GRXCR2: variants seen among roughly 807,000 people sequenced by gnomAD.
GRXCR2 encodes glutaredoxin and cysteine rich domain containing 2.
Under a neutral mutation model 24.8 loss-of-function variants are expected in GRXCR2, and 23 were observed. The observed-to-expected ratio is 0.93, with a 90% CI of 0.67 to 1.32. GRXCR2 has a LOEUF of 1.32. Among genes scored for constraint, GRXCR2 ranks in the 40% most tolerant of loss-of-function variants. The pLI is 0.00. For missense variants in GRXCR2, 315 were observed against 303.4 expected (o/e 1.04, Z -0.28); for synonymous variants, 130 against 116.1 (o/e 1.12, Z -0.77).
rs149708220 is a variant in GRXCR2 at position 145,865,600 on chromosome 5, G to A, written c.564+901C>T. ...CACTAGACAAGTGTGGTACCCAAGG[G>A]ACCCTGGAGTAAGAGTGATGTTCAA... On this transcript the variant is annotated intron_variant, in intron 2 of 2. Coordinates refer to ENST00000377976, the MANE Select transcript of GRXCR2 (RefSeq NM_001080516.2). 8.7e-3 allele frequency among the ~76,000 whole-genome samples: 1,330 copies of A among 152,282 alleles called. 10 individuals are homozygous for A. Among genetic ancestry groups the A allele is most frequent in the Non-Finnish European group, 0.013 (894 of 68,028 alleles).
chr5:145,890,947 G>T (rs950456156), intron 2 of GRXCR2, among the ~76,000 whole-genome samples: 1 of 151,794 alleles, frequency 6.6e-6, no homozygotes, highest in Non-Finnish European at 1.5e-5. Context: ...CACACAAATA[G>T]AAATCAAGAA....
upstream of GRXCR2, among the ~76,000 whole-genome samples, chr5:145,876,449 C>T (rs746649496): frequency 6.6e-6 from 1 of 151,224 alleles, no homozygotes; most frequent in Non-Finnish European, 1.5e-5. Flanking sequence ...TCTATGTGTG[C>T]CATGCCATGA....
upstream of GRXCR2, among the ~76,000 whole-genome samples, chr5:145,876,845 A>G (rs1241606294): frequency 1.3e-5 from 2 of 152,214 alleles, no homozygotes; most frequent in African/African-American, 4.8e-5. Flanking sequence ...TGATAAATCG[A>G]AAGCAGTTTT....
intron 2 of GRXCR2, among the ~76,000 whole-genome samples, chr5:145,863,466 TC>T (rs1472401851): frequency 6.6e-6 from 1 of 152,236 alleles, no homozygotes; most frequent in East Asian, 1.9e-4. Flanking sequence ...AATTGTCATA[TC>T]AGGCTTACTC....
chr5:145,921,330 A>C (rs1031613309), intron 2 of GRXCR2, among the ~76,000 whole-genome samples: 1 of 152,204 alleles, frequency 6.6e-6, no homozygotes, highest in African/African-American at 2.4e-5. Flanking sequence ...GTGAATGCAC[A>C]TGTAGCAGCA....
intron 2 of GRXCR2, among the ~76,000 whole-genome samples, chr5:145,889,177 AAAGAAAGAAAGAAAGAAAGAAAG>A (rs1756822559): frequency 5.8e-5 from 5 of 86,366 alleles, no homozygotes; most frequent in African/African-American, 2.2e-4. Flanking sequence ...TCAAAAAAAG[AAAGAAAGAAAGAAAGAAAGAAAG>A]AAAGAAAGAA....
chr5:145,858,088 C>T (rs1457920194), downstream of GRXCR2, among the ~76,000 whole-genome samples: 3 of 151,996 alleles, frequency 2.0e-5, no homozygotes, highest in Admixed American at 6.6e-5. Flanking sequence ...CCGAGATGGG[C>T]GGATCACCTG....
At chr5:145,874,368 T>C (rs1448123934), upstream of GRXCR2, among the ~76,000 whole-genome samples, 1 of 151,856 alleles carries the variant, frequency 6.6e-6, no homozygotes, top group Non-Finnish European at 1.5e-5. Flanking sequence ...CATGCCCAGC[T>C]AATTTTTGTA....
chr5:145,872,532 G>A lies in GRXCR2; in HGVS notation c.336+101C>T, dbSNP rs144582916. On this transcript the variant is annotated intron_variant, in intron 1 of 2. Transcript: ENST00000377976. ...TGCACCAACAGTTCTGGTTGGTACC[G>A]GAGGGGGAGCAAGACACAAATCTGA... 2.0e-4 allele frequency: 190 copies of A among 951,464 alleles called. 1 individual carries two copies. The East Asian group carries it at 4.6e-3, about 23-fold the overall frequency. 58.9% of individuals were successfully genotyped at this position (951,464 alleles called of 1,614,324 possible). A position where few individuals can be genotyped will look rare whatever the true frequency, so the allele number is the denominator to read the frequency against.
intron 2 of GRXCR2, among the ~76,000 whole-genome samples, chr5:145,908,531 G>T (rs1046749363): frequency 1.3e-5 from 2 of 152,098 alleles, no homozygotes; most frequent in Non-Finnish European, 1.5e-5. Flanking sequence ...GAATATGGAG[G>T]GATCTTTTAA....
At chr5:145,928,844 T>C (rs1023424037) in intron 2 of GRXCR2, among the ~76,000 whole-genome samples, 1 of 151,888 alleles carries the variant, frequency 6.6e-6, no homozygotes, top group Non-Finnish European at 1.5e-5. Context: ...ATGGCACATG[T>C]ATACATATAT....
intron 2 of GRXCR2, among the ~76,000 whole-genome samples, chr5:145,881,750 T>G (rs1408569546): frequency 1.3e-5 from 2 of 152,136 alleles, no homozygotes; most frequent in Non-Finnish European, 2.9e-5. Context: ...GGAGGCATCA[T>G]GCTACCTGAC....
chr5:145,880,215 G>A (rs1446721297), intron 2 of GRXCR2, among the ~76,000 whole-genome samples: 2 of 152,010 alleles, frequency 1.3e-5, no homozygotes, highest in Admixed American at 1.3e-4. Context: ...GAGAGAGATA[G>A]AGACACAAAA....
intron 2 of GRXCR2, among the ~76,000 whole-genome samples, chr5:145,889,901 G>T (rs1484371928): frequency 2.6e-5 from 4 of 151,748 alleles, no homozygotes; most frequent in Non-Finnish European, 5.9e-5. Flanking sequence ...AATGAAGGAA[G>T]AGATAAACAT....
intron 2 of GRXCR2, among the ~76,000 whole-genome samples, chr5:145,894,272 A>T (rs529389987): frequency 1.1e-4 from 17 of 152,338 alleles, no homozygotes; most frequent in African/African-American, 3.6e-4. Context: ...AAGGCAAGAA[A>T]TAACTAAGAT....
At chr5:145,893,010 C>T (rs1373392507) in intron 2 of GRXCR2, among the ~76,000 whole-genome samples, 2 of 152,072 alleles carry the variant, frequency 1.3e-5, no homozygotes, top group Admixed American at 6.6e-5. Context: ...TTTCAACCCA[C>T]AATTTCATAT....
At chr5:145,919,720 A>C (rs771478757) in intron 2 of GRXCR2, among the ~76,000 whole-genome samples, 27 of 152,106 alleles carry the variant, frequency 1.8e-4, no homozygotes, top group Non-Finnish European at 3.5e-4. Context: ...TCCGCCTTCT[A>C]AAATAAGGGT....
intron 2 of GRXCR2, among the ~76,000 whole-genome samples, chr5:145,886,152 A>C (rs567428425): frequency 1.2e-4 from 18 of 152,352 alleles, no homozygotes; most frequent in African/African-American, 4.3e-4. Context: ...ATATACGATC[A>C]GTGCAGCCTC....
chr5:145,915,269 T>A (rs1757220516), intron 2 of GRXCR2, among the ~76,000 whole-genome samples: 1 of 152,168 alleles, frequency 6.6e-6, no homozygotes, highest in South Asian at 2.1e-4. Flanking sequence ...AGGTAGAGAA[T>A]GGTTATTTTT....
Sources: allele counts gnomAD v4.1 joint callset (sites outside exome capture counted in the v4.1 genomes callset), GRCh38; gene constraint gnomAD v4.1.1; transcripts MANE v1.5; gene names NCBI Gene and HGNC (gene_info 2026-07-23, HGNC 2026-07-21).